LOC400499: variants seen among roughly 807,000 people sequenced by gnomAD.
At chr16:11,386,128 C>T in the LOC400499 span, among the ~76,000 whole-genome samples, 1 of 152,210 alleles carries the variant, frequency 6.6e-6, no homozygotes, top group South Asian at 2.1e-4. Flanking sequence ...AAGTGGATAG[C>T]CAACAGGTCC....
the LOC400499 span, chr16:11,502,113 A>G: frequency 2.5e-6 from 1 of 399,152 alleles, no homozygotes; most frequent in Non-Finnish European, 4.4e-6. Flanking sequence ...ATATTGCCAG[A>G]GTTCCATCAG....
the LOC400499 span, among the ~76,000 whole-genome samples, chr16:11,511,548 G>T: frequency 6.6e-6 from 1 of 152,160 alleles, no homozygotes; most frequent in South Asian, 2.1e-4. Flanking sequence ...CCACAACATG[G>T]ATGAACCTTA....
At chr16:11,405,867 C>G in the LOC400499 span, among the ~76,000 whole-genome samples, 1 of 152,310 alleles carries the variant, frequency 6.6e-6, no homozygotes, top group South Asian at 2.1e-4. Context: ...TCCCTGTGGC[C>G]TGACTGACCC....
At chr16:11,464,669 G>GA in the LOC400499 span, among the ~76,000 whole-genome samples, 1 of 152,198 alleles carries the variant, frequency 6.6e-6, no homozygotes, top group Non-Finnish European at 1.5e-5. Context: ...TTGAAGGGGG[G>GA]ACCTCCTGTC....
At chr16:11,427,335 C>G in the LOC400499 span, among the ~76,000 whole-genome samples, 15 of 106,450 alleles carry the variant, frequency 1.4e-4, no homozygotes, top group East Asian at 4.2e-3. Context: ...GCAACAAGAG[C>G]GAAACTCCAT....
At chr16:11,416,747 A>T in the LOC400499 span, among the ~76,000 whole-genome samples, 1 of 152,086 alleles carries the variant, frequency 6.6e-6, no homozygotes, top group Non-Finnish European at 1.5e-5. Flanking sequence ...GAGGTGAGGG[A>T]GCCAGGCAGG....
chr16:11,416,042 G>A, the LOC400499 span, among the ~76,000 whole-genome samples: 2 of 150,300 alleles, frequency 1.3e-5, no homozygotes, highest in South Asian at 2.1e-4. Context: ...TGCAACCTCC[G>A]CCTCCCAGGT....
the LOC400499 span, chr16:11,399,353 T>A: frequency 1.1e-6 from 1 of 902,124 alleles, no homozygotes; most frequent in Non-Finnish European, 1.5e-6. Flanking sequence ...GAGAAGTAAG[T>A]TGCCCAGGAT....
At chr16:11,406,986 C>T in the LOC400499 span, among the ~76,000 whole-genome samples, 226 of 152,368 alleles carry the variant, frequency 1.5e-3, no homozygotes, top group African/African-American at 5.3e-3. Flanking sequence ...GGTCACGCCC[C>T]AGCTTCTGAA....
At chr16:11,433,000 G>C in the LOC400499 span, among the ~76,000 whole-genome samples, 1 of 152,164 alleles carries the variant, frequency 6.6e-6, no homozygotes, top group Non-Finnish European at 1.5e-5. Flanking sequence ...TCTAGAACAA[G>C]GGTTGGAAAA....
At chr16:11,444,432 A>T in the LOC400499 span, among the ~76,000 whole-genome samples, 1 of 152,140 alleles carries the variant, frequency 6.6e-6, no homozygotes, top group Non-Finnish European at 1.5e-5. Flanking sequence ...GGGGTCAGCA[A>T]CTACAGCCCC....
the LOC400499 span, among the ~76,000 whole-genome samples, chr16:11,431,448 C>G: frequency 6.6e-6 from 1 of 152,140 alleles, no homozygotes; most frequent in Admixed American, 6.5e-5. Context: ...CTCTGTCACC[C>G]AGGCTGGAGT....
chr16:11,417,989 T>C, the LOC400499 span: 6 of 396,774 alleles, frequency 1.5e-5, no homozygotes, highest in African/African-American at 1.2e-4. Context: ...AAGGAGCAGG[T>C]TTGATGACCA....
chr16:11,508,310 C>T, the LOC400499 span, among the ~76,000 whole-genome samples: 1 of 152,226 alleles, frequency 6.6e-6, no homozygotes, highest in Non-Finnish European at 1.5e-5. Flanking sequence ...GCCACATCCA[C>T]CTCCTGACTT....
chr16:11,445,089 T>TA, the LOC400499 span, among the ~76,000 whole-genome samples: 105,946 of 143,530 alleles, frequency 0.74, 39,057 homozygotes, highest in South Asian at 0.8. Flanking sequence ...ACTTTGTCTT[T>TA]AAAAAAAAAA....
the LOC400499 span, among the ~76,000 whole-genome samples, chr16:11,405,236 G>C: frequency 6.6e-6 from 1 of 152,336 alleles, no homozygotes; most frequent in East Asian, 1.9e-4. Flanking sequence ...ACTCAGCCCA[G>C]GGCTACACGG....
chr16:11,431,210 C>A, the LOC400499 span: 4 of 398,884 alleles, frequency 1.0e-5, no homozygotes, highest in Non-Finnish European at 1.8e-5. Context: ...TCCAGCAGTG[C>A]CTTGGAAAAC....
chr16:11,459,829 G>A, the LOC400499 span: 1 of 1,249,046 alleles, frequency 8.0e-7, no homozygotes, highest in East Asian at 3.1e-5. Context: ...CCATGTGGGG[G>A]TTCCCCAGCT....
the LOC400499 span, among the ~76,000 whole-genome samples, chr16:11,497,336 C>A: frequency 6.6e-4 from 100 of 152,288 alleles, no homozygotes; most frequent in Non-Finnish European, 1.2e-3. Flanking sequence ...TTCAATGTTT[C>A]CCTATATTTG....
Sources: allele counts gnomAD v4.1 joint callset (sites outside exome capture counted in the v4.1 genomes callset), GRCh38; gene constraint gnomAD v4.1.1; transcripts MANE v1.5.